The following ASTN2 variants were observed in gnomAD, a reference collection of about 807,000 sequenced individuals.
The protein encoded by ASTN2 is astrotactin 2.
Under a neutral mutation model 139.8 loss-of-function variants are expected in ASTN2, and 54 were observed. That is an observed-to-expected ratio of 0.39 (90% CI 0.31 to 0.48). The LOEUF is 0.48. Among genes scored for constraint, ASTN2 ranks in the 20% least tolerant of loss-of-function variants. The probability of loss-of-function intolerance (pLI) is 0.95; values close to 1 mark genes in which losing one functional copy is unlikely to be tolerated. For missense variants in ASTN2, 1,565 were observed against 1,725.1 expected, an observed-to-expected ratio of 0.91 and a Z score of 1.64; for synonymous variants, 756 against 719.5, an observed-to-expected ratio of 1.05 and a Z score of -0.81.
chr9:116,619,688 A>ATTTTT lies in ASTN2; in HGVS notation c.3206+617_3206+621dup, dbSNP rs766517097. Among the ~76,000 whole-genome samples the ATTTTT allele has an allele frequency of 8.5e-4, 63 of 74,294 alleles. 1 individual carries two copies. Among genetic ancestry groups the ATTTTT allele is most frequent in the Non-Finnish European group, 1.1e-3 (43 of 40,628 alleles). 48.7% of individuals were successfully genotyped at this position (74,294 alleles called of 152,430 possible). On this transcript the variant is annotated intron_variant, in intron 18 of 22. Coordinates refer to ENST00000313400, the MANE Select transcript of ASTN2 (RefSeq NM_001365068.1). ...ACAGGCATGTGCCACCACACGGGCT[A>ATTTTT]TTTTTTTTTTTTTTTTTTTTTTTTG...
chr9:117,152,871 C>T (rs558174799), intron 3 of ASTN2, among the ~76,000 whole-genome samples: 7 of 152,268 alleles, frequency 4.6e-5, no homozygotes, highest in Non-Finnish European at 1.0e-4. Flanking sequence ...TATTCAATCA[C>T]AATAACACTA....
intron 20 of ASTN2, among the ~76,000 whole-genome samples, chr9:116,462,565 TA>T (rs1439003011): frequency 1.3e-5 from 2 of 152,156 alleles, no homozygotes; most frequent in Non-Finnish European, 2.9e-5. Context: ...TACTGTGGAA[TA>T]AAGAATGTCT....
At chr9:117,032,181 T>C (rs903931516) in intron 6 of ASTN2, among the ~76,000 whole-genome samples, 12 of 152,136 alleles carry the variant, frequency 7.9e-5, no homozygotes, top group African/African-American at 2.9e-4. Flanking sequence ...AAGGATTCAT[T>C]GAAGAAGGTT....
rs1838646629 is a variant in ASTN2 at position 117,043,734 on chromosome 9, C to T, written c.1277-3769G>A. ...ACCAGCCTGGCCAACACGGCAAAACCCCGTCTCTACTAAAAATACAAAAAT... is the reference window on the plus strand; with the variant it reads ...ACCAGCCTGGCCAACACGGCAAAACTCCGTCTCTACTAAAAATACAAAAAT... On this transcript the variant is annotated intron_variant, in intron 5 of 22. Transcript: ENST00000313400. 2.6e-5 allele frequency among the ~76,000 whole-genome samples: 4 copies of T among 151,884 alleles called. No individual in the cohort carries two copies. The South Asian group carries it at 8.3e-4, about 32-fold the overall frequency.
intron 19 of ASTN2, among the ~76,000 whole-genome samples, chr9:116,520,741 C>T (rs898699684): frequency 1.1e-4 from 16 of 151,896 alleles, no homozygotes; most frequent in African/African-American, 3.6e-4. Context: ...TAATCATATA[C>T]CTAAAAAACT....
At chr9:116,632,205 A>AAAAAGAAAGAGAGAAAGAAAG (rs1554723307) in intron 17 of ASTN2, among the ~76,000 whole-genome samples, 1 of 45,302 alleles carries the variant, frequency 2.2e-5, no homozygotes. Context: ...AGAAAGAAAG[A>AAAAAGAAAGAGAGAAAGAAAG]AAAGAAAGAA....
chr9:116,553,463 A>T lies in ASTN2; in HGVS notation c.3355+64861T>A, dbSNP rs565319417. 6.4e-4 allele frequency among the ~76,000 whole-genome samples: 97 copies of T among 152,172 alleles called. 2 individuals are homozygous for T. The highest frequency in any genetic ancestry group is 6.8e-3 in the Middle Eastern group (2 of 294). On this transcript the variant is annotated intron_variant, in intron 19 of 22. Coordinates refer to ENST00000313400, the MANE Select transcript of ASTN2 (RefSeq NM_001365068.1). ...TATGTCACTGTTATCCTCGGCAGAT[A>T]TTTTCTGCACAGAAACGATGTGTCC...
chr9:117,247,937 G>A (rs10983582), intron 2 of ASTN2, among the ~76,000 whole-genome samples: 17,909 of 152,100 alleles, frequency 0.12, 1,518 homozygotes, highest in African/African-American at 0.23. Flanking sequence ...CCTTTAACAC[G>A]CTGTGTCTCA....
intron 10 of ASTN2, among the ~76,000 whole-genome samples, chr9:116,883,582 C>T (rs1469338449): frequency 2.6e-5 from 4 of 152,194 alleles, no homozygotes; most frequent in Non-Finnish European, 5.9e-5. Flanking sequence ...AGCAGGTGAA[C>T]TGACAATTAA....
chr9:116,734,825 A>G (rs965501398), intron 13 of ASTN2, among the ~76,000 whole-genome samples: 33 of 152,086 alleles, frequency 2.2e-4, no homozygotes, highest in Non-Finnish European at 4.0e-4. Flanking sequence ...TTTGAAGCTC[A>G]TCATCAATTC....
chr9:117,034,965 A>C (rs1838341809), intron 6 of ASTN2, among the ~76,000 whole-genome samples: 3 of 152,190 alleles, frequency 2.0e-5, no homozygotes, highest in Non-Finnish European at 4.4e-5. Context: ...GACAGTAAAC[A>C]TTGAGTATAA....
At chr9:116,504,774 T>C (rs1031360840) in intron 19 of ASTN2, among the ~76,000 whole-genome samples, 6 of 151,686 alleles carry the variant, frequency 4.0e-5, no homozygotes, top group African/African-American at 1.5e-4. Flanking sequence ...CGTGCATCTG[T>C]AGCTCCAGCT....
chr9:117,400,923 A>C (rs982745842), intron 1 of ASTN2, among the ~76,000 whole-genome samples: 1 of 152,072 alleles, frequency 6.6e-6, no homozygotes, highest in African/African-American at 2.4e-5. Context: ...GTTCCATGAG[A>C]TCTTTAACCA....
intron 20 of ASTN2, among the ~76,000 whole-genome samples, chr9:116,445,588 C>A (rs114635552): frequency 6.6e-6 from 1 of 152,100 alleles, no homozygotes; most frequent in Non-Finnish European, 1.5e-5. Context: ...TAAGAGAGCC[C>A]CCAGGATGCT....
intron 3 of ASTN2, among the ~76,000 whole-genome samples, chr9:117,199,869 G>A (rs972723451): frequency 6.6e-6 from 1 of 151,768 alleles, no homozygotes; most frequent in Non-Finnish European, 1.5e-5. Context: ...GTATTCCTAG[G>A]TATTTTATTC....
At position 116,600,340 on chromosome 9, in the gene ASTN2, A is replaced by AG. The variant is rs1554719068; in HGVS notation, c.3355+17983_3355+17984insC. Among the ~76,000 whole-genome samples the AG allele has an allele frequency of 1.3e-4, 19 of 145,812 alleles. No individual in the cohort carries two copies. The East Asian group carries it at 2.9e-3, about 22-fold the overall frequency. On this transcript the variant is annotated intron_variant, in intron 19 of 22. Transcript: ENST00000313400. Reference sequence around the variant, plus strand: ...CCCTGTCTCAAAAAAAAAAAAAAAAAAAAAAAAGAAAGAAAGAAAGAAAGA... The same window carrying AG: ...CCCTGTCTCAAAAAAAAAAAAAAAAAGAAAAAAAGAAAGAAAGAAAGAAAGA...
chr9:117,341,656 T>C (rs1050068156), intron 1 of ASTN2, among the ~76,000 whole-genome samples: 1 of 151,974 alleles, frequency 6.6e-6, no homozygotes, highest in African/African-American at 2.4e-5. Flanking sequence ...GAGAAAAGCA[T>C]GAAAAGGAAA....
chr9:117,335,021 C>A (rs563074093), intron 1 of ASTN2, among the ~76,000 whole-genome samples: 2 of 152,282 alleles, frequency 1.3e-5, no homozygotes, highest in African/African-American at 4.8e-5. Flanking sequence ...TGCTACTGCA[C>A]TCCAGCCTGG....
At chr9:117,218,833 C>T (rs947194136) in intron 2 of ASTN2, among the ~76,000 whole-genome samples, 12 of 152,256 alleles carry the variant, frequency 7.9e-5, no homozygotes, top group Admixed American at 7.2e-4. Flanking sequence ...GCTGGGCTAT[C>T]TTGGACATAG....
Sources: allele counts gnomAD v4.1 joint callset (sites outside exome capture counted in the v4.1 genomes callset), GRCh38; gene constraint gnomAD v4.1.1; transcripts MANE v1.5; gene names NCBI Gene and HGNC (gene_info 2026-07-23, HGNC 2026-07-21).